Variants in RBMS3 observed in about 807,000 individuals in gnomAD.
RBMS3 encodes the protein RNA-binding motif, single-stranded-interacting protein 3.
In RBMS3, 27 loss-of-function variants were observed where a neutral mutation model predicts 66.8. That is an observed-to-expected ratio of 0.40 (90% CI 0.30 to 0.56). The LOEUF (loss-of-function observed/expected upper bound fraction) is 0.56, where lower values mean the gene tolerates loss of function less well. Among genes scored for constraint, RBMS3 ranks in the 20% least tolerant of loss-of-function variants. The pLI is 0.40. For synonymous variants in RBMS3, 188 were observed against 183.0 expected (o/e 1.03, Z -0.22); for missense variants, 513 against 549.5 (o/e 0.93, Z 0.66).
At chr3:29,403,947 A>G (rs1389676394) in intron 1 of RBMS3, among the ~76,000 whole-genome samples, 1 of 152,100 alleles carries the variant, frequency 6.6e-6, no homozygotes, top group Non-Finnish European at 1.5e-5. Context: ...GAATGACTTT[A>G]TGTTTTGATA....
At chr3:29,591,692 A>G (rs1022659673) in intron 4 of RBMS3, among the ~76,000 whole-genome samples, 4 of 152,304 alleles carry the variant, frequency 2.6e-5, no homozygotes, top group East Asian at 1.9e-4. Flanking sequence ...ACAGTCATGA[A>G]TTATTACCAG....
chr3:29,489,992 G>C (rs556399225), intron 3 of RBMS3, among the ~76,000 whole-genome samples: 1 of 141,774 alleles, frequency 7.1e-6, no homozygotes, highest in East Asian at 2.1e-4. Flanking sequence ...GCAGTGAGCC[G>C]AGATTGCGTC....
chr3:29,602,037 A>G (rs9812539), intron 4 of RBMS3, among the ~76,000 whole-genome samples: 22,187 of 151,994 alleles, frequency 0.15, 1,865 homozygotes, highest in East Asian at 0.32. Context: ...TGATCTCTAA[A>G]TAAATCCCTT....
chr3:29,508,026 C>G (rs2044252608), intron 3 of RBMS3, among the ~76,000 whole-genome samples: 1 of 152,028 alleles, frequency 6.6e-6, no homozygotes. Context: ...CATTAAAATT[C>G]AATTATATAT....
chr3:29,523,974 C>A (rs1019583476), intron 3 of RBMS3, among the ~76,000 whole-genome samples: 9 of 152,032 alleles, frequency 5.9e-5, no homozygotes, highest in African/African-American at 2.2e-4. Flanking sequence ...TGGCCACAAG[C>A]AATCCTTCTA....
chr3:29,623,916 A>C (rs1414460192), intron 4 of RBMS3, among the ~76,000 whole-genome samples: 2 of 152,246 alleles, frequency 1.3e-5, no homozygotes, highest in African/African-American at 2.4e-5. Context: ...TATGTCTGGC[A>C]AATTAATTTT....
intron 2 of RBMS3, among the ~76,000 whole-genome samples, chr3:29,449,794 G>GTTACAAAAAA (rs2041956766): frequency 6.6e-6 from 1 of 152,262 alleles, no homozygotes; most frequent in East Asian, 1.9e-4. Context: ...TAGGAGTTAT[G>GTTACAAAAAA]TTACAAAAAA....
At chr3:29,681,064 T>A (rs1174867148) in intron 4 of RBMS3, among the ~76,000 whole-genome samples, 1 of 152,234 alleles carries the variant, frequency 6.6e-6, no homozygotes, top group Admixed American at 6.5e-5. Flanking sequence ...AGTCCACTAG[T>A]ACATTACAGG....
intron 2 of RBMS3, among the ~76,000 whole-genome samples, chr3:29,472,792 G>C (rs1006447747): frequency 6.6e-6 from 1 of 152,152 alleles, no homozygotes; most frequent in Non-Finnish European, 1.5e-5. Context: ...CCCAAAGAGT[G>C]AGCAGCAGCA....
intron 3 of RBMS3, among the ~76,000 whole-genome samples, chr3:29,525,895 G>A (rs2045074471): frequency 1.3e-5 from 2 of 152,178 alleles, no homozygotes; most frequent in African/African-American, 4.8e-5. Context: ...TATTATCTCT[G>A]AAGTGTTGTT....
chr3:29,643,808 A>C (rs2049816314), intron 4 of RBMS3, among the ~76,000 whole-genome samples: 2 of 152,160 alleles, frequency 1.3e-5, no homozygotes, highest in African/African-American at 4.8e-5. Context: ...AGCTGTAGGT[A>C]ATATTGATCT....
chr3:29,900,372 C>T (rs1340063309), intron 10 of RBMS3, among the ~76,000 whole-genome samples: 3 of 151,716 alleles, frequency 2.0e-5, no homozygotes, highest in Non-Finnish European at 2.9e-5. Flanking sequence ...GAAATTTTCT[C>T]TCTGCAAAAT....
chr3:29,436,597 A>G (rs907951031), intron 2 of RBMS3, among the ~76,000 whole-genome samples: 2 of 152,228 alleles, frequency 1.3e-5, no homozygotes, highest in Non-Finnish European at 2.9e-5. Context: ...GTCTTTGAAA[A>G]TGTGAAACAT....
intron 1 of RBMS3, among the ~76,000 whole-genome samples, chr3:29,342,559 A>G (rs1337182305): frequency 6.6e-6 from 1 of 152,188 alleles, no homozygotes; most frequent in Admixed American, 6.6e-5. Flanking sequence ...TAGCTAATTT[A>G]AAGCTTGGAT....
intron 4 of RBMS3, among the ~76,000 whole-genome samples, chr3:29,684,899 A>G (rs2051650462): frequency 6.6e-6 from 1 of 152,096 alleles, no homozygotes; most frequent in South Asian, 2.1e-4. Flanking sequence ...TTATTGATGA[A>G]CACAAACAGA....
chr3:29,531,469 T>C (rs142365405), intron 3 of RBMS3, among the ~76,000 whole-genome samples: 1 of 152,244 alleles, frequency 6.6e-6, no homozygotes, highest in Non-Finnish European at 1.5e-5. Flanking sequence ...ACGTCTTTTA[T>C]TCTTCATTTG....
intron 3 of RBMS3, among the ~76,000 whole-genome samples, chr3:29,494,215 A>G (rs1053939252): frequency 6.6e-6 from 1 of 152,232 alleles, no homozygotes; most frequent in African/African-American, 2.4e-5. Context: ...GCATTAAACC[A>G]ACAGAATTGA....
intron 4 of RBMS3, among the ~76,000 whole-genome samples, chr3:29,663,855 A>T (rs2050651395): frequency 6.6e-6 from 1 of 152,226 alleles, no homozygotes; most frequent in Non-Finnish European, 1.5e-5. Context: ...GTTCAAGGCC[A>T]TGTTCCCAGT....
intron 6 of RBMS3, among the ~76,000 whole-genome samples, chr3:29,847,644 T>A (rs928909773): frequency 2.0e-5 from 3 of 148,454 alleles, no homozygotes; most frequent in Non-Finnish European, 4.4e-5. Flanking sequence ...TTTTGTGTTT[T>A]ATTTTTTTTT....
Sources: gnomAD v4.1 joint callset for allele counts (sites outside exome capture counted in the v4.1 genomes callset) on GRCh38, gnomAD v4.1.1 for gene constraint, MANE v1.5 for transcripts, NCBI Gene and HGNC (gene_info 2026-07-23, HGNC 2026-07-21) for gene names.